Variants in DCLK1 observed in about 807,000 individuals in gnomAD.
DCLK1 encodes the protein doublecortin like kinase 1.
Under a neutral mutation model 86.2 loss-of-function variants are expected in DCLK1, and 16 were observed. The observed-to-expected ratio is 0.19, with a 90% CI of 0.13 to 0.28. DCLK1 has a LOEUF of 0.28. Ranked by LOEUF, DCLK1 falls within the 10% of genes least tolerant of loss-of-function variation. The pLI is 1.00. For missense variants in DCLK1, 590 were observed against 940.2 expected (o/e 0.63, Z 4.87); for synonymous variants, 369 against 370.5 (o/e 1.00, Z 0.05).
chr13:35,914,342 T>TATAC (rs1484455509), intron 4 of DCLK1, among the ~76,000 whole-genome samples: 236 of 17,260 alleles, frequency 0.014, 9 homozygotes, highest in African/African-American at 0.04. Flanking sequence ...AATATATATA[T>TATAC]ATATATACAT....
intron 6 of DCLK1, chr13:35,849,919 A>G: frequency 3.1e-6 from 3 of 959,892 alleles, no homozygotes; most frequent in Non-Finnish European, 3.7e-6. Flanking sequence ...AATTATGTAT[A>G]TGATTGTAAG....
intron 3 of DCLK1, among the ~76,000 whole-genome samples, chr13:36,084,259 G>A (rs1024811857): frequency 1.3e-5 from 2 of 152,072 alleles, no homozygotes; most frequent in African/African-American, 2.4e-5. Context: ...ACAGTAGCTC[G>A]GTTTGTCTTC....
intron 6 of DCLK1, chr13:35,846,559 G>A: frequency 1.0e-6 from 1 of 985,254 alleles, no homozygotes; most frequent in Non-Finnish European, 1.2e-6. Flanking sequence ...GAGGGCCTCT[G>A]ATTTCCTCTT....
intron 3 of DCLK1, among the ~76,000 whole-genome samples, chr13:35,967,696 G>C (rs184242693): frequency 6.6e-6 from 1 of 152,040 alleles, no homozygotes; most frequent in Non-Finnish European, 1.5e-5. Flanking sequence ...TGCGGAAGGC[G>C]GCAGGGCCCT....
intron 3 of DCLK1, among the ~76,000 whole-genome samples, chr13:36,053,971 T>C (rs902297494): frequency 6.6e-6 from 1 of 152,106 alleles, no homozygotes; most frequent in South Asian, 2.1e-4. Context: ...GTAAAAGCCA[T>C]GGAAGATAAA....
At chr13:36,046,487 C>T (rs929788977) in intron 3 of DCLK1, among the ~76,000 whole-genome samples, 4 of 152,180 alleles carry the variant, frequency 2.6e-5, no homozygotes, top group Non-Finnish European at 4.4e-5. Context: ...AAAAAGTAAA[C>T]TGGTTGTTTG....
At chr13:35,929,890 T>C (rs1407739774) in intron 4 of DCLK1, among the ~76,000 whole-genome samples, 1 of 151,602 alleles carries the variant, frequency 6.6e-6, no homozygotes, top group Non-Finnish European at 1.5e-5. Flanking sequence ...TAAAAGCTTA[T>C]CTATGTGTTT....
At chr13:35,822,266 A>G (rs938541732) in intron 11 of DCLK1, among the ~76,000 whole-genome samples, 8 of 152,048 alleles carry the variant, frequency 5.3e-5, no homozygotes, top group Non-Finnish European at 1.0e-4. Context: ...TCCTCCAGCA[A>G]CCTCAGCCTC....
chr13:36,011,921 T>A (rs1488352895), intron 3 of DCLK1, among the ~76,000 whole-genome samples: 1 of 150,562 alleles, frequency 6.6e-6, no homozygotes, highest in Admixed American at 6.6e-5. Context: ...CTGTATTGGG[T>A]GCATATATAT....
At chr13:36,048,029 C>G (rs1412448655) in intron 3 of DCLK1, among the ~76,000 whole-genome samples, 1 of 152,092 alleles carries the variant, frequency 6.6e-6, no homozygotes, top group Admixed American at 6.5e-5. Flanking sequence ...GTTCTCCCCA[C>G]AAAAATATGA....
intron 3 of DCLK1, among the ~76,000 whole-genome samples, chr13:35,984,277 C>A: frequency 6.6e-6 from 1 of 152,216 alleles, no homozygotes; most frequent in East Asian, 1.9e-4. Context: ...CTCTGGGCAT[C>A]CTTTCAAGGT....
At chr13:36,058,042 T>A (rs1883401029) in intron 3 of DCLK1, among the ~76,000 whole-genome samples, 1 of 152,044 alleles carries the variant, frequency 6.6e-6, no homozygotes, top group Non-Finnish European at 1.5e-5. Flanking sequence ...ACAGTAAATA[T>A]CAAGAGAATA....
chr13:35,814,246 A>AT (rs1307404385), intron 11 of DCLK1, among the ~76,000 whole-genome samples: 8 of 152,204 alleles, frequency 5.3e-5, no homozygotes, highest in African/African-American at 1.9e-4. Flanking sequence ...AAATACACCC[A>AT]TTTAAAGCCT....
At chr13:35,797,773 G>A (rs960456333) in intron 15 of DCLK1, among the ~76,000 whole-genome samples, 11 of 152,130 alleles carry the variant, frequency 7.2e-5, no homozygotes, top group Admixed American at 2.0e-4. Context: ...AATTGGCTTT[G>A]CAGGGCTCTA....
chr13:35,894,512 G>C (rs1159456904), intron 4 of DCLK1, among the ~76,000 whole-genome samples: 1 of 151,604 alleles, frequency 6.6e-6, no homozygotes, highest in African/African-American at 2.4e-5. Context: ...TGGGCACCTC[G>C]CTCTGCTACA....
chr13:35,888,719 A>T (rs542573064), intron 4 of DCLK1, among the ~76,000 whole-genome samples: 1 of 152,378 alleles, frequency 6.6e-6, no homozygotes, highest in East Asian at 1.9e-4. Flanking sequence ...CTCTATTTGC[A>T]TTTGGCCCTC....
At chr13:35,931,595 T>G (rs1251216025) in intron 4 of DCLK1, among the ~76,000 whole-genome samples, 3 of 152,154 alleles carry the variant, frequency 2.0e-5, no homozygotes. Context: ...TGTTCTGTTC[T>G]AGGTGCCATT....
intron 1 of DCLK1, among the ~76,000 whole-genome samples, chr13:36,129,233 TG>T (rs1400218439): frequency 6.6e-6 from 1 of 152,224 alleles, no homozygotes; most frequent in Non-Finnish European, 1.5e-5. Context: ...CCAAATAATT[TG>T]GCAATAGTTA....
At chr13:35,932,859 C>T (rs1053079239) in intron 4 of DCLK1, among the ~76,000 whole-genome samples, 1 of 152,242 alleles carries the variant, frequency 6.6e-6, no homozygotes, top group East Asian at 1.9e-4. Flanking sequence ...CAAAACCAAT[C>T]ATGCCTTCCC....
Sources: gnomAD v4.1 joint callset for allele counts (sites outside exome capture counted in the v4.1 genomes callset) on GRCh38, gnomAD v4.1.1 for gene constraint, MANE v1.5 for transcripts, NCBI Gene and HGNC (gene_info 2026-07-23, HGNC 2026-07-21) for gene names.